Variants in RIN3 observed in about 807,000 individuals in gnomAD.
RIN3 encodes the protein Ras and Rab interactor 3, also known as RAB5 interacting protein 3.
A neutral mutation model predicts 76.3 loss-of-function variants in RIN3; 54 were observed. That is an observed-to-expected ratio of 0.71 (90% CI 0.57 to 0.89). The LOEUF is 0.89. Among genes scored for constraint, RIN3 ranks in the 40% least tolerant of loss-of-function variants. The pLI is 0.00. For missense variants in RIN3, 1,256 were observed against 1,322.1 expected (o/e 0.95, Z 0.78); for synonymous variants, 576 against 564.0 (o/e 1.02, Z -0.30).
intron 3 of RIN3, among the ~76,000 whole-genome samples, chr14:92,581,645 C>A (rs1884546069): frequency 6.6e-6 from 1 of 152,192 alleles, no homozygotes; most frequent in Non-Finnish European, 1.5e-5. Flanking sequence ...ACTCTGCTGT[C>A]TCTCCAACCC....
intron 1 of RIN3, among the ~76,000 whole-genome samples, chr14:92,520,309 C>A (rs1896562549): frequency 6.6e-6 from 1 of 152,062 alleles, no homozygotes; most frequent in South Asian, 2.1e-4. Flanking sequence ...ACTGAGAGAG[C>A]CCCAGAGCCT....
chr14:92,521,795 G>A (rs1896603574), intron 1 of RIN3, among the ~76,000 whole-genome samples: 1 of 152,198 alleles, frequency 6.6e-6, no homozygotes, highest in African/African-American at 2.4e-5. Context: ...AGAGAAATAT[G>A]TGCGTATTTA....
intron 5 of RIN3, 67 bp from the exon 6 acceptor site, chr14:92,651,515 C>T: frequency 8.5e-7 from 1 of 1,178,706 alleles, no homozygotes; most frequent in Non-Finnish European, 1.2e-6. Context: ...CCCACAGACC[C>T]CGCCCAGCAC....
chr14:92,547,105 AAATT>A (rs1410424801), intron 1 of RIN3, among the ~76,000 whole-genome samples: 3 of 99,658 alleles, frequency 3.0e-5, no homozygotes, highest in African/African-American at 7.7e-5. Context: ...ATAATTAAAT[AAATT>A]ATCTTTATTT....
chr14:92,642,849 C>A (rs78547168), intron 5 of RIN3, among the ~76,000 whole-genome samples: 1 of 152,154 alleles, frequency 6.6e-6, no homozygotes, highest in African/African-American at 2.4e-5. Flanking sequence ...GCACTGACTG[C>A]GTTCTAACCT....
intron 2 of RIN3, among the ~76,000 whole-genome samples, chr14:92,566,633 CAGTA>C (rs1897922583): frequency 6.6e-6 from 1 of 152,084 alleles, no homozygotes; most frequent in Non-Finnish European, 1.5e-5. Context: ...GGAGCTAACT[CAGTA>C]AGTATCATAG....
chr14:92,675,118 T>C (rs1888417206), intron 7 of RIN3, among the ~76,000 whole-genome samples: 1 of 152,232 alleles, frequency 6.6e-6, no homozygotes, highest in Non-Finnish European at 1.5e-5. Flanking sequence ...GAAATAGGTA[T>C]ATTTTTTCTT....
intron 3 of RIN3, among the ~76,000 whole-genome samples, chr14:92,581,082 C>G (rs1945813032): frequency 6.6e-6 from 1 of 152,152 alleles, no homozygotes; most frequent in Non-Finnish European, 1.5e-5. Context: ...TTTCCCAGAC[C>G]AAGTATGCAG....
Position 92,623,742 on chromosome 14 carries a change from G to A in RIN3, c.440+8263G>A, listed in dbSNP as rs888219087. Among the ~76,000 whole-genome samples, 2 of 152,134 alleles carry A rather than the reference G, an allele frequency of 1.3e-5. No individual in the cohort carries two copies. Among genetic ancestry groups the A allele is most frequent in the Non-Finnish European group, 1.5e-5 (1 of 68,026 alleles). Reference sequence around the variant, plus strand: ...CCACAATACCACCATACATCAGCTCGGGCATGAACAAGTGCAGACTGATTG... The same window carrying A: ...CCACAATACCACCATACATCAGCTCAGGCATGAACAAGTGCAGACTGATTG... On this transcript the variant is annotated intron_variant, in intron 4 of 9. Transcript: ENST00000216487. The surrounding 1 kb of genome is among the most constrained non-coding windows in gnomAD (Gnocchi z 4.9).
chr14:92,633,272 A>G (rs2140122304), intron 4 of RIN3, among the ~76,000 whole-genome samples: 1 of 152,282 alleles, frequency 6.6e-6, no homozygotes, highest in East Asian at 1.9e-4. Context: ...CCTTGCAAGG[A>G]TCATGGGGCC....
chr14:92,528,593 G>A lies in RIN3; in HGVS notation c.44+14617G>A, dbSNP rs149294508. Among the ~76,000 whole-genome samples the A allele has an allele frequency of 2.0e-3, 306 of 152,276 alleles. 1 individual carries two copies. Among genetic ancestry groups the A allele is most frequent in the African/African-American group, 6.5e-3 (269 of 41,548 alleles). On this transcript the variant is annotated intron_variant, in intron 1 of 9. Coordinates refer to ENST00000216487, the MANE Select transcript of RIN3 (RefSeq NM_024832.5). ...CTTGTGACCCCGTGGGGGTGTGGAC[G>A]GCATGATCATCTGGGAAATGGGGGG...
chr14:92,519,348 A>G (rs1896529537), intron 1 of RIN3, among the ~76,000 whole-genome samples: 1 of 152,170 alleles, frequency 6.6e-6, no homozygotes, highest in Non-Finnish European at 1.5e-5. Context: ...TGGTTTTGGG[A>G]GCCCACTTTG....
intron 8 of RIN3, 127 bp from the exon 9 acceptor site, chr14:92,684,860 T>C: frequency 1.0e-6 from 1 of 993,668 alleles, no homozygotes; most frequent in East Asian, 2.4e-5. Flanking sequence ...GAAGCAGGTG[T>C]TTGCAGATGT....
intron 3 of RIN3, among the ~76,000 whole-genome samples, chr14:92,611,672 G>A (rs7161719): frequency 0.5 from 76,180 of 151,978 alleles, 19,931 homozygotes; most frequent in Admixed American, 0.61. Context: ...TCATATTCAC[G>A]TGTGTTAGAG....
chr14:92,634,177 C>A (rs1284637107), intron 4 of RIN3, among the ~76,000 whole-genome samples: 4 of 146,494 alleles, frequency 2.7e-5, no homozygotes, highest in Non-Finnish European at 5.9e-5. Context: ...TGGGTTCAAG[C>A]AATTCTCCTG....
intron 4 of RIN3, 44 bp from the exon 5 acceptor site, chr14:92,641,194 C>T (rs748882241): frequency 1.4e-6 from 2 of 1,438,126 alleles, no homozygotes; most frequent in Admixed American, 3.4e-5. Context: ...TGGGAATGGA[C>T]ACGGTGGACC....
At chr14:92,527,262 C>T (rs1896762926) in intron 1 of RIN3, among the ~76,000 whole-genome samples, 1 of 149,404 alleles carries the variant, frequency 6.7e-6, no homozygotes, top group Non-Finnish European at 1.5e-5. Flanking sequence ...CCGTGTTAGC[C>T]ACAATGGTCT....
At chr14:92,556,788 C>T (rs1348068206) in intron 2 of RIN3, among the ~76,000 whole-genome samples, 1 of 152,176 alleles carries the variant, frequency 6.6e-6, no homozygotes, top group East Asian at 1.9e-4. Flanking sequence ...TAACAGAAAC[C>T]CAAGCTGGAC....
rs1468780653 is a variant in RIN3 at position 92,653,055 on chromosome 14, T to C, written c.2006T>C (p.Leu669Pro). Residue 669 changes from leucine (L) to proline (P), a missense_variant, in exon 6 of 10, where the codon CTG becomes CCG. Leu to Pro is a moderately conservative substitution (Grantham distance 98, BLOSUM62 -3). Around this residue, in one of 3 missense-constraint regions of RIN3, gnomAD observed 428 missense variants for 521.2 expected, o/e 0.82. Coordinates refer to ENST00000216487, the MANE Select transcript of RIN3 (RefSeq NM_024832.5). Reference protein sequence around the residue: ...TELKALVDPALHSEEELEAIV... With the variant: ...TELKALVDPAPHSEEELEAIV... ...CTCAAGGCCCTGGTGGACCCCGCCC[T>C]GCACTCCGAGGAGGAGCTCGGTCAG... is the stretch of plus-strand genomic sequence containing the variant. The C allele has an allele frequency of 2.5e-6, 4 of 1,605,086 alleles. No homozygotes were observed. Among genetic ancestry groups the C allele is most frequent in the Admixed American group, 3.3e-5 (2 of 59,958 alleles).
Sources: gnomAD v4.1 joint callset for allele counts (sites outside exome capture counted in the v4.1 genomes callset) on GRCh38, gnomAD v4.1.1 for gene constraint, gnomAD v4.1.1 regional missense constraint, Gnocchi (gnomAD v3.1) non-coding constraint, MANE v1.5 for transcripts, NCBI Gene and HGNC (gene_info 2026-07-23, HGNC 2026-07-21) for gene names.